PTPRK: variants seen among roughly 807,000 people sequenced by gnomAD.
PTPRK encodes receptor-type tyrosine-protein phosphatase kappa.
Under a neutral mutation model 178.0 loss-of-function variants are expected in PTPRK, and 75 were observed. The observed-to-expected ratio is 0.42, with a 90% CI of 0.35 to 0.51. The LOEUF (loss-of-function observed/expected upper bound fraction) is 0.51, where lower values mean the gene tolerates loss of function less well. Ranked by LOEUF, PTPRK falls within the 20% of genes least tolerant of loss-of-function variation. The pLI, the probability that PTPRK is intolerant of heterozygous loss-of-function variation, is 0.02. For missense variants in PTPRK, 1,441 were observed against 1,797.8 expected, an observed-to-expected ratio of 0.80 and a Z score of 3.59; for synonymous variants, 637 against 620.6, an observed-to-expected ratio of 1.03 and a Z score of -0.39.
At chr6:128,455,756 G>A (rs1367971258) in intron 1 of PTPRK, among the ~76,000 whole-genome samples, 1 of 152,104 alleles carries the variant, frequency 6.6e-6, no homozygotes, top group Non-Finnish European at 1.5e-5. Context: ...TCATTTTAGA[G>A]GAGAGAAGAA....
At chr6:128,267,253 T>G (rs77495799) in intron 3 of PTPRK, among the ~76,000 whole-genome samples, 1 of 152,062 alleles carries the variant, frequency 6.6e-6, no homozygotes, top group Non-Finnish European at 1.5e-5. Flanking sequence ...TTCAACCAAT[T>G]TACCAAGAAG....
At chr6:128,416,122 C>A (rs557420396) in intron 1 of PTPRK, among the ~76,000 whole-genome samples, 51 of 151,982 alleles carry the variant, frequency 3.4e-4, no homozygotes, top group Non-Finnish European at 6.2e-4. Flanking sequence ...GAAATATATG[C>A]CATGTGTACA....
chr6:127,999,714 T>C (rs1055525421), intron 15 of PTPRK, among the ~76,000 whole-genome samples: 2 of 152,064 alleles, frequency 1.3e-5, no homozygotes, highest in Admixed American at 6.6e-5. Flanking sequence ...TCACTTGCTC[T>C]ATATTTTAAT....
At chr6:128,098,174 A>C (rs1228832327) in intron 7 of PTPRK, among the ~76,000 whole-genome samples, 1 of 152,188 alleles carries the variant, frequency 6.6e-6, no homozygotes, top group Non-Finnish European at 1.5e-5. Flanking sequence ...TTTCAAGCTT[A>C]AAAGCTAATG....
At chr6:128,185,808 C>G (rs368393029) in intron 6 of PTPRK, among the ~76,000 whole-genome samples, 1 of 152,034 alleles carries the variant, frequency 6.6e-6, no homozygotes, top group Non-Finnish European at 1.5e-5. Flanking sequence ...AGCACATAAT[C>G]AATATCTTTC....
chr6:128,475,416 T>TGC (rs1851252359), intron 1 of PTPRK, among the ~76,000 whole-genome samples: 1 of 151,998 alleles, frequency 6.6e-6, no homozygotes, highest in South Asian at 2.1e-4. Context: ...GAAAGATAGA[T>TGC]TGGTTAGGGG....
At chr6:128,060,244 G>A (rs914699110) in intron 13 of PTPRK, among the ~76,000 whole-genome samples, 1 of 152,068 alleles carries the variant, frequency 6.6e-6, no homozygotes, top group African/African-American at 2.4e-5. Context: ...TTCTAGTTCT[G>A]ATCTTATGCT....
At chr6:128,256,758 G>T (rs988900299) in intron 3 of PTPRK, among the ~76,000 whole-genome samples, 1 of 152,012 alleles carries the variant, frequency 6.6e-6, no homozygotes, top group South Asian at 2.1e-4. Context: ...TTTTCTATCT[G>T]GGAAAGCGGA....
intron 13 of PTPRK, among the ~76,000 whole-genome samples, chr6:128,012,447 C>A (rs7768641): frequency 0.02 from 3,080 of 151,298 alleles, 110 homozygotes; most frequent in African/African-American, 0.07. Flanking sequence ...TTTATAATTT[C>A]TGCACATACA....
At chr6:128,347,011 T>C (rs1027615276) in intron 2 of PTPRK, among the ~76,000 whole-genome samples, 10 of 152,174 alleles carry the variant, frequency 6.6e-5, no homozygotes, top group African/African-American at 2.4e-4. Context: ...CTGAGAGACA[T>C]GGAATCTGCA....
At chr6:128,393,419 G>C (rs1839886865) in intron 2 of PTPRK, among the ~76,000 whole-genome samples, 1 of 152,144 alleles carries the variant, frequency 6.6e-6, no homozygotes, top group African/African-American at 2.4e-5. Flanking sequence ...CTAATGGACA[G>C]AAGGACATAT....
chr6:128,148,631 A>T (rs1796830105), intron 7 of PTPRK, among the ~76,000 whole-genome samples: 1 of 152,134 alleles, frequency 6.6e-6, no homozygotes, highest in African/African-American at 2.4e-5. Flanking sequence ...GATATTCCTT[A>T]ACAGGTTACA....
intron 1 of PTPRK, among the ~76,000 whole-genome samples, chr6:128,486,148 CTT>C (rs1202801207): frequency 6.6e-6 from 1 of 151,710 alleles, no homozygotes; most frequent in Non-Finnish European, 1.5e-5. Context: ...ATTCTGTTAT[CTT>C]TGTTTTTTTA....
chr6:128,067,375 C>G, intron 12 of PTPRK, 144 bp downstream of exon 12: 1 of 855,692 alleles, frequency 1.2e-6, no homozygotes, highest in Non-Finnish European at 1.6e-6. Context: ...CCCAAAACTG[C>G]GCACACTGTT....
At chr6:128,389,898 G>C (rs1160102042) in intron 2 of PTPRK, among the ~76,000 whole-genome samples, 1 of 151,936 alleles carries the variant, frequency 6.6e-6, no homozygotes, top group Non-Finnish European at 1.5e-5. Context: ...TTGCATTTAT[G>C]TCTGCGAGGG....
intron 1 of PTPRK, among the ~76,000 whole-genome samples, chr6:128,416,264 A>G (rs1390895047): frequency 6.6e-6 from 1 of 152,028 alleles, no homozygotes. Flanking sequence ...CAAAAAAAGT[A>G]CAAAAGCAGC....
chr6:128,150,114 A>G (rs1797045407), intron 7 of PTPRK, among the ~76,000 whole-genome samples: 1 of 152,184 alleles, frequency 6.6e-6, no homozygotes, highest in Non-Finnish European at 1.5e-5. Flanking sequence ...AGGAATGCCA[A>G]GAAGTTTAGC....
Position 128,005,087 on chromosome 6 carries a change from T to C in PTPRK, c.2491A>G (p.Arg831Gly), listed in dbSNP as rs1778264193. ...TFMDQHNFSP[R>G]YENHSATAES... is the part of the protein sequence containing the mutation. ...AAAATTTTAATGAAAAACTTACATC[T>C]TGGACTAAAGTTATGTTGGTCCATG... The change falls in exon 15 of 30, where the codon AGA becomes GGA. Residue 831 changes from arginine to glycine, a missense_variant. Around this residue, in one of 4 missense-constraint regions of PTPRK, gnomAD observed 945 missense variants for 1,080.6 expected, o/e 0.87. Transcript: ENST00000368226. 6.2e-7 allele frequency: 1 copy of C among 1,605,672 alleles called. No individual in the cohort carries two copies. Among genetic ancestry groups the C allele is most frequent in the Non-Finnish European group, 8.5e-7 (1 of 1,175,086 alleles).
chr6:128,095,576 T>C (rs576284251), intron 7 of PTPRK, among the ~76,000 whole-genome samples: 2 of 152,268 alleles, frequency 1.3e-5, no homozygotes, highest in East Asian at 1.9e-4. Flanking sequence ...TTATTTCCCT[T>C]GGACACCCCA....
Sources: gnomAD v4.1 joint callset for allele counts (sites outside exome capture counted in the v4.1 genomes callset) on GRCh38, gnomAD v4.1.1 for gene constraint, gnomAD v4.1.1 regional missense constraint, MANE v1.5 for transcripts, NCBI Gene and HGNC (gene_info 2026-07-23, HGNC 2026-07-21) for gene names.